Variants in PDZD2 observed in about 807,000 individuals in gnomAD.
The protein encoded by PDZD2 is PDZ domain containing 2.
In PDZD2, 90 loss-of-function variants were observed where a neutral mutation model predicts 220.7. That is an observed-to-expected ratio of 0.41 (90% CI 0.34 to 0.49). The LOEUF is 0.49. Ranked by LOEUF, PDZD2 falls within the 20% of genes least tolerant of loss-of-function variation. The probability of loss-of-function intolerance (pLI) is 0.28; values close to 1 mark genes in which losing one functional copy is unlikely to be tolerated. For missense variants in PDZD2, 3,174 were observed against 3,608.5 expected (o/e 0.88, Z 3.08); for synonymous variants, 1,375 against 1,450.5 (o/e 0.95, Z 1.18).
chr5:32,052,833 C>T, intron 9 of PDZD2, 103 bp downstream of exon 9: 1 of 1,246,236 alleles, frequency 8.0e-7, no homozygotes, highest in Non-Finnish European at 1.2e-6. Context: ...TTTTTAGAAA[C>T]AGGTTCTTGC....
intron 2 of PDZD2, among the ~76,000 whole-genome samples, chr5:31,871,727 G>A (rs1738812594): frequency 6.6e-6 from 1 of 152,202 alleles, no homozygotes; most frequent in Admixed American, 6.5e-5. Flanking sequence ...GGGATTACAG[G>A]CATGAGCCAC....
rs187751254 is a variant in PDZD2 at position 31,869,837 on chromosome 5, G to A, written c.476+70113G>A. Reference sequence around the variant, plus strand: ...CAGTCTTAATTCCTGCTGTCGGCTCGGGCATCTGAGGGCAGAGAGAGGGGT... The same window carrying A: ...CAGTCTTAATTCCTGCTGTCGGCTCAGGCATCTGAGGGCAGAGAGAGGGGT... On this transcript the variant is annotated intron_variant, in intron 2 of 24. Transcript: ENST00000438447. Among the ~76,000 whole-genome samples the A allele has an allele frequency of 9.9e-5, 15 of 152,216 alleles. No individual in the cohort carries two copies. In the South Asian group the frequency reaches 1.2e-3, roughly 13 times the overall value.
intron 2 of PDZD2, among the ~76,000 whole-genome samples, chr5:31,899,372 A>G (rs1741880656): frequency 6.6e-6 from 1 of 152,122 alleles, no homozygotes; most frequent in Admixed American, 6.6e-5. Context: ...ACCGCAAGTG[A>G]TCCGCCCACC....
rs373388700 is a variant in PDZD2, at chr5:31,993,546, A to C, written c.979-2030A>C. On this transcript the variant is annotated intron_variant, in intron 3 of 24. Coordinates refer to ENST00000438447, the MANE Select transcript of PDZD2 (RefSeq NM_178140.4). The stretch of plus-strand genomic sequence containing the variant: ...ATTTCAGATTTTCTAAATGCCACAC[A>C]TTCTTTCTCCTTTGCAAGCAGCTTG... Among the ~76,000 whole-genome samples the C allele has an allele frequency of 3.3e-5, 5 of 152,318 alleles. No individual in the cohort carries two copies. The East Asian group carries it at 9.6e-4, about 29-fold the overall frequency.
chr5:31,885,417 A>G (rs928578454), intron 2 of PDZD2, among the ~76,000 whole-genome samples: 3 of 152,170 alleles, frequency 2.0e-5, no homozygotes, highest in Admixed American at 6.5e-5. Context: ...ATATTCTTTG[A>G]CCCAGAAATT....
At chr5:32,005,739 C>T (rs923826706) in intron 5 of PDZD2, among the ~76,000 whole-genome samples, 3 of 152,160 alleles carry the variant, frequency 2.0e-5, no homozygotes, top group Non-Finnish European at 2.9e-5. Context: ...CGAGCACAGC[C>T]CTTTAAAAGC....
rs1742739774 is a variant in PDZD2 at position 32,088,419 on chromosome 5, T to G, written c.4971T>G (p.Thr1657=). Residue 1657 remains threonine (T), a synonymous_variant, in exon 20 of 25, where the codon ACT becomes ACG. Transcript: ENST00000438447. The surrounding 1 kb of genome is among the most constrained non-coding windows in gnomAD (Gnocchi z 4.6). The part of the protein sequence containing the change: ...EKAACLPGSY[T]SGPDSSQPSS... ...CCGCCTGCTTGCCAGGCTCATACAC[T>G]TCAGGCCCAGACTCTTCCCAGCCAT... 2.5e-6 allele frequency: 4 copies of G among 1,613,990 alleles called. No homozygotes were observed. The highest frequency in any genetic ancestry group is 3.4e-6 in the Non-Finnish European group (4 of 1,179,976).
chr5:31,801,168 C>T (rs1754368680), intron 2 of PDZD2, among the ~76,000 whole-genome samples: 1 of 152,202 alleles, frequency 6.6e-6, no homozygotes, highest in Non-Finnish European at 1.5e-5. Context: ...GGAAGTAGCA[C>T]AGAGCTGGCT....
chr5:31,813,037 A>G (rs1044467031), intron 2 of PDZD2, among the ~76,000 whole-genome samples: 1 of 152,268 alleles, frequency 6.6e-6, no homozygotes, highest in Non-Finnish European at 1.5e-5. Flanking sequence ...TCAGGGGACT[A>G]TGTGAAATAT....
At chr5:32,005,778 C>T (rs766978369) in intron 5 of PDZD2, among the ~76,000 whole-genome samples, 71 of 152,178 alleles carry the variant, frequency 4.7e-4, no homozygotes, top group Non-Finnish European at 7.6e-4. Flanking sequence ...TGTTACCTCT[C>T]CTAATTCTCC....
intron 1 of PDZD2, among the ~76,000 whole-genome samples, chr5:31,737,461 C>T (rs557970897): frequency 5.9e-5 from 9 of 152,102 alleles, no homozygotes; most frequent in East Asian, 1.9e-4. Flanking sequence ...CGTGAGCTAC[C>T]GCGCCCGGCC....
At chr5:31,868,361 C>T (rs533255780) in intron 2 of PDZD2, among the ~76,000 whole-genome samples, 97 of 152,262 alleles carry the variant, frequency 6.4e-4, no homozygotes, top group Middle Eastern at 6.8e-3. Flanking sequence ...AGGAGAATCG[C>T]TTGGGCCTGG....
chr5:31,795,548 G>A (rs377080041), intron 1 of PDZD2, among the ~76,000 whole-genome samples: 7 of 152,186 alleles, frequency 4.6e-5, no homozygotes, highest in African/African-American at 1.7e-4. Context: ...TGTTGAGATG[G>A]ATTGATCTTC....
chr5:31,924,291 C>G (rs1459043110), intron 2 of PDZD2, among the ~76,000 whole-genome samples: 1 of 152,180 alleles, frequency 6.6e-6, no homozygotes, highest in Non-Finnish European at 1.5e-5. Flanking sequence ...GGCTTGTTCT[C>G]CCTGCTGTGC....
chr5:31,989,363 G>A (rs1190021048), intron 3 of PDZD2, among the ~76,000 whole-genome samples: 1 of 149,910 alleles, frequency 6.7e-6, no homozygotes, highest in Non-Finnish European at 1.5e-5. Context: ...CAAAAGACAT[G>A]ATTTAATTCT....
intron 6 of PDZD2, among the ~76,000 whole-genome samples, chr5:32,025,359 C>CTACTAAAAA (rs976882514): frequency 6.6e-6 from 1 of 151,848 alleles, no homozygotes; most frequent in Non-Finnish European, 1.5e-5. Flanking sequence ...AACCCTGTCT[C>CTACTAAAAA]TACTAAAAAT....
chr5:31,641,100 C>T (rs1461647481), intron 1 of PDZD2, among the ~76,000 whole-genome samples: 1 of 151,938 alleles, frequency 6.6e-6, no homozygotes, highest in Non-Finnish European at 1.5e-5. Context: ...TTTGGAATAC[C>T]TGTGGTTTGC....
chr5:31,979,439 G>C (rs1750087147), intron 2 of PDZD2, among the ~76,000 whole-genome samples: 2 of 152,018 alleles, frequency 1.3e-5, no homozygotes, highest in Admixed American at 1.3e-4. Flanking sequence ...AATTAGCCGG[G>C]CATGGTGGTG....
chr5:31,968,674 C>A lies in PDZD2; in HGVS notation c.477-14481C>A, dbSNP rs55775780. ...CTGTCTCAAAAAACAAACAAACAAACAAAAAAAACAACCAGACTCCAGAGA... is the reference window on the plus strand; with the variant it reads ...CTGTCTCAAAAAACAAACAAACAAAAAAAAAAAACAACCAGACTCCAGAGA... On this transcript the variant is annotated intron_variant, in intron 2 of 24. Coordinates refer to ENST00000438447, the MANE Select transcript of PDZD2 (RefSeq NM_178140.4). 5.4e-3 allele frequency among the ~76,000 whole-genome samples: 821 copies of A among 151,494 alleles called. 7 individuals are homozygous for A. The highest frequency in any genetic ancestry group is 0.018 in the African/African-American group (734 of 41,290).
Sources: gnomAD v4.1 joint callset for allele counts (sites outside exome capture counted in the v4.1 genomes callset) on GRCh38, gnomAD v4.1.1 for gene constraint, Gnocchi (gnomAD v3.1) non-coding constraint, MANE v1.5 for transcripts, NCBI Gene and HGNC (gene_info 2026-07-23, HGNC 2026-07-21) for gene names.